SGCZ: variants seen among roughly 807,000 people sequenced by gnomAD.
The protein encoded by SGCZ is sarcoglycan zeta.
A neutral mutation model predicts 41.3 loss-of-function variants in SGCZ; 40 were observed. The observed-to-expected ratio is 0.97, with a 90% CI of 0.75 to 1.26. SGCZ has a LOEUF of 1.26. Among genes scored for constraint, SGCZ ranks in the 50% most tolerant of loss-of-function variants. SGCZ has a pLI of 0.00. For synonymous variants in SGCZ, 206 were observed against 137.5 expected (o/e 1.50, Z -3.49); for missense variants, 552 against 369.8 (o/e 1.49, Z -4.04).
chr8:14,747,724 T>TGTGA (rs1799379519), intron 1 of SGCZ, among the ~76,000 whole-genome samples: 1 of 149,152 alleles, frequency 6.7e-6, no homozygotes, highest in Non-Finnish European at 1.5e-5. Flanking sequence ...TGTGTGTGTG[T>TGTGA]GTGTGTGTGA....
chr8:14,740,970 T>G (rs1029714043), intron 1 of SGCZ, among the ~76,000 whole-genome samples: 3 of 152,068 alleles, frequency 2.0e-5, no homozygotes, highest in Non-Finnish European at 4.4e-5. Flanking sequence ...ATACCATCCA[T>G]CAGCATAATC....
At chr8:14,099,946 A>G (rs561946073) in intron 7 of SGCZ, among the ~76,000 whole-genome samples, 22 of 57,720 alleles carry the variant, frequency 3.8e-4, no homozygotes, top group African/African-American at 8.6e-4. Flanking sequence ...TCTACATTTC[A>G]TCCATCATTT....
intron 3 of SGCZ, among the ~76,000 whole-genome samples, chr8:14,259,887 T>C (rs1296469111): frequency 2.0e-5 from 3 of 152,054 alleles, no homozygotes; most frequent in Non-Finnish European, 4.4e-5. Flanking sequence ...ACTGAATCTG[T>C]AAATTACCTT....
chr8:14,118,736 G>A (rs1160266565), intron 5 of SGCZ, among the ~76,000 whole-genome samples: 2 of 152,232 alleles, frequency 1.3e-5, no homozygotes. Flanking sequence ...GTTAATTTTT[G>A]TATAAGGTGC....
chr8:14,542,314 C>T (rs1441184597), intron 2 of SGCZ, among the ~76,000 whole-genome samples: 1 of 152,004 alleles, frequency 6.6e-6, no homozygotes, highest in Non-Finnish European at 1.5e-5. Flanking sequence ...GCAGAGATTA[C>T]ATTTGCCTCT....
chr8:14,783,922 A>C (rs548801319), intron 1 of SGCZ, among the ~76,000 whole-genome samples: 1 of 152,296 alleles, frequency 6.6e-6, no homozygotes, highest in Non-Finnish European at 1.5e-5. Flanking sequence ...GTTTGTAATA[A>C]ATTGAAGTTT....
chr8:14,135,016 T>C (rs1353705734), intron 5 of SGCZ, among the ~76,000 whole-genome samples: 3 of 152,178 alleles, frequency 2.0e-5, no homozygotes, highest in Admixed American at 6.5e-5. Flanking sequence ...CACGGCAGAA[T>C]GGAGTAGTTA....
intron 1 of SGCZ, chr8:14,879,833 G>C (rs1170402753): frequency 6.7e-6 from 1 of 149,884 alleles, no homozygotes; most frequent in Non-Finnish European, 1.5e-5. Context: ...TTGTTTTTAG[G>C]TTTTTTTTGT....
intron 1 of SGCZ, among the ~76,000 whole-genome samples, chr8:15,116,814 A>T (rs1461650250): frequency 6.6e-6 from 1 of 152,198 alleles, no homozygotes; most frequent in African/African-American, 2.4e-5. Context: ...TCAAAACTGC[A>T]AGTAACTTGG....
chr8:15,055,399 T>C (rs889575445), intron 1 of SGCZ, among the ~76,000 whole-genome samples: 2 of 152,182 alleles, frequency 1.3e-5, no homozygotes, highest in Admixed American at 6.5e-5. Flanking sequence ...TGTCCAAACA[T>C]GACTGTGGAC....
chr8:14,652,899 C>T (rs979412528), intron 1 of SGCZ, among the ~76,000 whole-genome samples: 1 of 151,990 alleles, frequency 6.6e-6, no homozygotes, highest in African/African-American at 2.4e-5. Flanking sequence ...TGCCTAATTT[C>T]CCATTATTGT....
At chr8:14,459,226 T>C (rs889760044) in intron 2 of SGCZ, among the ~76,000 whole-genome samples, 36 of 151,688 alleles carry the variant, frequency 2.4e-4, no homozygotes, top group Admixed American at 1.8e-3. Flanking sequence ...ATGAGAACAC[T>C]TGGACACAGG....
intron 2 of SGCZ, among the ~76,000 whole-genome samples, chr8:14,385,961 C>A (rs1200199892): frequency 6.6e-6 from 1 of 152,144 alleles, no homozygotes; most frequent in Non-Finnish European, 1.5e-5. Flanking sequence ...CTCTAGATTA[C>A]TTATAATACC....
chr8:15,163,877 C>T, intron 1 of SGCZ, among the ~76,000 whole-genome samples: 1 of 152,164 alleles, frequency 6.6e-6, no homozygotes, highest in Non-Finnish European at 1.5e-5. Context: ...ATTGAGACAG[C>T]CAGGTGGGAG....
chr8:14,957,064 T>C (rs79381624), intron 1 of SGCZ, among the ~76,000 whole-genome samples: 3 of 152,126 alleles, frequency 2.0e-5, no homozygotes, highest in Non-Finnish European at 4.4e-5. Context: ...ATTTGAAGTA[T>C]AAGAGAAAAA....
intron 1 of SGCZ, among the ~76,000 whole-genome samples, chr8:14,799,586 T>C (rs1449735890): frequency 6.6e-6 from 1 of 152,158 alleles, no homozygotes; most frequent in South Asian, 2.1e-4. Context: ...ATTTGACCTC[T>C]GTACTCAAGT....
intron 3 of SGCZ, among the ~76,000 whole-genome samples, chr8:14,287,049 T>G (rs1440363258): frequency 6.6e-6 from 1 of 151,998 alleles, no homozygotes; most frequent in East Asian, 1.9e-4. Flanking sequence ...ACCTTCCTAT[T>G]TCTCTAATAG....
chr8:14,248,838 A>C (rs1438161362), intron 3 of SGCZ, among the ~76,000 whole-genome samples: 1 of 152,050 alleles, frequency 6.6e-6, no homozygotes, highest in Non-Finnish European at 1.5e-5. Flanking sequence ...AGTTGACTTT[A>C]TGTGCATGTA....
chr8:15,049,397 A>G (rs1804433617), intron 1 of SGCZ, among the ~76,000 whole-genome samples: 1 of 152,294 alleles, frequency 6.6e-6, no homozygotes, highest in South Asian at 2.1e-4. Context: ...AGTGTGAAGA[A>G]GTAGCAAGAG....
Sources: allele counts gnomAD v4.1 joint callset (sites outside exome capture counted in the v4.1 genomes callset), GRCh38; gene constraint gnomAD v4.1.1; transcripts MANE v1.5; gene names NCBI Gene and HGNC (gene_info 2026-07-23, HGNC 2026-07-21).